MERTK: variants seen among roughly 807,000 people sequenced by gnomAD.
MERTK encodes the protein tyrosine-protein kinase Mer.
In MERTK, 69 loss-of-function variants were observed where a neutral mutation model predicts 99.3. The ratio of observed to expected loss-of-function variants is 0.70; its 90% CI spans 0.57 to 0.85. The LOEUF is 0.85. MERTK is among the 40% of genes least tolerant of loss of function. The probability of loss-of-function intolerance (pLI) is 0.00; values close to 1 mark genes in which losing one functional copy is unlikely to be tolerated. For synonymous variants in MERTK, 426 were observed against 467.6 expected, an observed-to-expected ratio of 0.91 and a Z score of 1.15; for missense variants, 1,125 against 1,249.4, an observed-to-expected ratio of 0.90 and a Z score of 1.50.
intron 4 of MERTK, among the ~76,000 whole-genome samples, chr2:111,955,001 G>C (rs1397300235): frequency 6.6e-6 from 1 of 152,160 alleles, no homozygotes; most frequent in Non-Finnish European, 1.5e-5. Flanking sequence ...TAGGTGCTGA[G>C]GTCAGCTTTG....
chr2:111,910,312 C>A (rs1684218932), intron 1 of MERTK, among the ~76,000 whole-genome samples: 1 of 151,978 alleles, frequency 6.6e-6, no homozygotes, highest in African/African-American at 2.4e-5. Flanking sequence ...TCTTGTCCCC[C>A]AGGCTGGAAT....
At chr2:111,987,213 T>C (rs1393766645) in intron 8 of MERTK, among the ~76,000 whole-genome samples, 4 of 152,228 alleles carry the variant, frequency 2.6e-5, no homozygotes, top group East Asian at 1.9e-4. Context: ...TTCAGAACTT[T>C]CTTGGCAGTC....
At chr2:111,947,937 AC>A (rs1441200498) in intron 4 of MERTK, among the ~76,000 whole-genome samples, 1 of 152,118 alleles carries the variant, frequency 6.6e-6, no homozygotes, top group African/African-American at 2.4e-5. Flanking sequence ...TGGATTTGAC[AC>A]CGAGAGAGTG....
intron 18 of MERTK, among the ~76,000 whole-genome samples, chr2:112,026,910 T>C (rs1677474819): frequency 6.6e-6 from 1 of 152,234 alleles, no homozygotes; most frequent in Non-Finnish European, 1.5e-5. Flanking sequence ...AGTAATTTAT[T>C]GCATGGGTCA....
rs1456627470 is a variant in MERTK at position 111,963,103 on chromosome 2, GA to G, written c.758-2086del. On this transcript the variant is annotated intron_variant, in intron 4 of 18. Coordinates refer to ENST00000295408, the MANE Select transcript of MERTK (RefSeq NM_006343.3). Reference sequence around the variant, plus strand: ...AGAGAAGGTCAGCAGATAAACACGTGAACAAAGGTCTCTGCAACATAGACAA... The same window carrying G: ...AGAGAAGGTCAGCAGATAAACACGTGACAAAGGTCTCTGCAACATAGACAA... Among the ~76,000 whole-genome samples, 159 of 152,240 alleles carry G rather than the reference GA, an allele frequency of 1.0e-3. 1 individual carries two copies. The highest frequency in any genetic ancestry group is 3.7e-3 in the African/African-American group (155 of 41,530).
intron 2 of MERTK, among the ~76,000 whole-genome samples, chr2:111,929,998 T>G (rs1479729546): frequency 6.6e-6 from 1 of 152,206 alleles, no homozygotes; most frequent in Non-Finnish European, 1.5e-5. Flanking sequence ...TTTAGAGAGT[T>G]GAAGGATAAC....
intron 15 of MERTK, 104 bp from the exon 16 acceptor site, chr2:112,019,309 T>C (rs758252645): frequency 2.4e-6 from 2 of 835,938 alleles, no homozygotes; most frequent in Non-Finnish European, 4.2e-6. Context: ...ATTTCATCAC[T>C]ACACTGTAAT....
At chr2:111,981,675 A>G (rs1020572272) in intron 7 of MERTK, among the ~76,000 whole-genome samples, 14 of 152,126 alleles carry the variant, frequency 9.2e-5, no homozygotes, top group African/African-American at 3.4e-4. Flanking sequence ...ATTCTCTCCC[A>G]AAAAAGACTG....
chr2:111,925,177 C>G (rs1684530268), intron 1 of MERTK, among the ~76,000 whole-genome samples: 1 of 149,882 alleles, frequency 6.7e-6, no homozygotes, highest in Non-Finnish European at 1.5e-5. Context: ...TCCCATTTGA[C>G]TGTCGTAGCA....
intron 8 of MERTK, among the ~76,000 whole-genome samples, chr2:111,984,351 A>G (rs1233993817): frequency 6.6e-6 from 1 of 152,188 alleles, no homozygotes; most frequent in Admixed American, 6.5e-5. Context: ...AATCATGTTG[A>G]GCCACATAGC....
rs936133451 is a variant in MERTK at position 111,910,852 on chromosome 2, G to A, written c.61+12056G>A. Among the ~76,000 whole-genome samples, 36 of 152,074 alleles carry A rather than the reference G, an allele frequency of 2.4e-4. 1 individual carries two copies. The highest frequency in any genetic ancestry group is 2.9e-5 in the Non-Finnish European group (2 of 68,018). On this transcript the variant is annotated intron_variant, in intron 1 of 18. Coordinates refer to ENST00000295408, the MANE Select transcript of MERTK (RefSeq NM_006343.3). ...GGGCCTGGAAAGGATAGGAGGAAGG[G>A]GAGGATAGGAAGAGATTTGTTAAAG...
intron 1 of MERTK, among the ~76,000 whole-genome samples, chr2:111,917,713 C>A (rs1395096239): frequency 3.9e-5 from 6 of 151,936 alleles, no homozygotes; most frequent in Admixed American, 3.9e-4. Flanking sequence ...GGTGAAACCC[C>A]GTCTCTACTA....
At chr2:112,024,896 C>G (rs1285087532) in intron 18 of MERTK, 1 of 154,222 alleles carries the variant, frequency 6.5e-6, no homozygotes, top group Non-Finnish European at 1.5e-5. Flanking sequence ...TGCCACCAGA[C>G]TCCAGCCTGG....
In MERTK at chr2:112,028,832, G is replaced by T. The variant is rs200644454; in HGVS notation, c.2968G>T (p.Asp990Tyr). 37 of 1,613,942 alleles carry T rather than the reference G, an allele frequency of 2.3e-5. No homozygotes were observed. The highest frequency in any genetic ancestry group is 2.8e-5 in the Non-Finnish European group (33 of 1,180,030). ...SLPDELLFAD[D>Y]SSEGSEVLM ...GCCCGATGAACTTTTGTTTGCTGAC[G>T]ACTCCTCAGAAGGCTCAGAAGTCCT... The change falls in exon 19 of 19, where the codon GAC (aspartate) becomes TAC (tyrosine). Residue 990 changes from aspartate (D) to tyrosine (Y), a missense_variant. Coordinates refer to ENST00000295408, the MANE Select transcript of MERTK (RefSeq NM_006343.3).
At chr2:112,004,477 T>G (rs1676940753) in intron 13 of MERTK, among the ~76,000 whole-genome samples, 1 of 152,134 alleles carries the variant, frequency 6.6e-6, no homozygotes, top group African/African-American at 2.4e-5. Context: ...GGAGAAATAT[T>G]TGGTCAAGGC....
intron 1 of MERTK, among the ~76,000 whole-genome samples, chr2:111,905,585 A>T (rs1684123340): frequency 6.6e-6 from 1 of 151,640 alleles, no homozygotes; most frequent in Non-Finnish European, 1.5e-5. Flanking sequence ...CTCCTGTCTC[A>T]GCCTCCCGAG....
intron 2 of MERTK, chr2:111,941,092 A>G: frequency 2.5e-6 from 1 of 404,220 alleles, no homozygotes; most frequent in Admixed American, 3.8e-5. Flanking sequence ...CAAGGAGCTT[A>G]TCCGTCACTA....
Position 111,968,172 on chromosome 2 carries a change from A to G in MERTK, c.880A>G (p.Asn294Asp), listed in dbSNP as rs777888162. The G allele has an allele frequency of 1.2e-6, 2 of 1,614,016 alleles. No individual in the cohort carries two copies. The highest frequency in any genetic ancestry group is 3.3e-5 in the Admixed American group (2 of 60,000). ...PSPPTEVSIR[N>D]STAHSILISW... ...CCCACCAACTGAAGTCAGCATCCGT[A>G]ACAGCACTGCACACAGCATTCTGAT... Residue 294 changes from asparagine (N) to aspartate (D), a missense_variant, in exon 6 of 19, where the codon AAC becomes GAC. Transcript: ENST00000295408.
intron 8 of MERTK, among the ~76,000 whole-genome samples, chr2:111,988,317 G>T (rs1676530471): frequency 1.3e-5 from 2 of 152,156 alleles, no homozygotes; most frequent in African/African-American, 4.8e-5. Context: ...GGCCAGCCAG[G>T]GATCTGAACC....
Sources: allele counts gnomAD v4.1 joint callset (sites outside exome capture counted in the v4.1 genomes callset), GRCh38; gene constraint gnomAD v4.1.1; transcripts MANE v1.5; gene names NCBI Gene and HGNC (gene_info 2026-07-23, HGNC 2026-07-21).